The following WLS variants were observed in gnomAD, a reference collection of about 807,000 sequenced individuals.
The protein encoded by WLS is Wnt ligand secretion mediator.
In WLS, 23 loss-of-function variants were observed where a neutral mutation model predicts 62.8. The observed-to-expected ratio is 0.37, with a 90% confidence interval of 0.26 to 0.52. WLS has a LOEUF of 0.52. WLS is among the 20% of genes least tolerant of loss of function. WLS has a pLI of 0.92. For synonymous variants in WLS, 246 were observed against 244.1 expected, an observed-to-expected ratio of 1.01 and a Z score of -0.07; for missense variants, 615 against 697.3, an observed-to-expected ratio of 0.88 and a Z score of 1.33.
At chr1:68,113,343 A>C (rs56028310) in intron 11 of WLS, among the ~76,000 whole-genome samples, 8,957 of 152,212 alleles carry the variant, frequency 0.059, 324 homozygotes, top group African/African-American at 0.1. Context: ...AGAACAGTGA[A>C]TGCCAGAAAA....
Position 68,101,118 on chromosome 1 carries a change from T to A in WLS, c.1511-2365A>T, listed in dbSNP as rs534372520. On this transcript the variant is annotated intron_variant, in intron 11 of 11. Transcript: ENST00000354777. ...CCTATCAGGATGGCCACCTGCAGGC[T>A]GTAACCTTTTGTTAGAAGTAAAGCT... is the stretch of plus-strand genomic sequence containing the variant. Among the ~76,000 whole-genome samples the A allele has an allele frequency of 5.1e-3, 771 of 152,334 alleles. 3 individuals carry two copies. Among genetic ancestry groups the A allele is most frequent in the Non-Finnish European group, 7.6e-3 (518 of 68,030 alleles).
intron 1 of WLS, among the ~76,000 whole-genome samples, chr1:68,212,713 G>A (rs1490152149): frequency 6.6e-6 from 1 of 152,022 alleles, no homozygotes; most frequent in Non-Finnish European, 1.5e-5. Flanking sequence ...CACCTTATCT[G>A]TTTTTGGTAT....
intron 9 of WLS, 91 bp downstream of exon 9, chr1:68,145,778 G>T: frequency 6.5e-7 from 1 of 1,527,620 alleles, no homozygotes; most frequent in Non-Finnish European, 8.8e-7. Flanking sequence ...TCAAAGTAAA[G>T]GCTTTCTATC....
intron 2 of WLS, among the ~76,000 whole-genome samples, chr1:68,170,184 A>C (rs1343701890): frequency 7.4e-5 from 2 of 26,868 alleles, no homozygotes; most frequent in African/African-American, 2.7e-4. Context: ...TTTTTTTTTG[A>C]GATGGAGTTT....
intron 11 of WLS, among the ~76,000 whole-genome samples, chr1:68,128,245 C>A (rs1043669595): frequency 6.6e-6 from 1 of 152,204 alleles, no homozygotes; most frequent in African/African-American, 2.4e-5. Context: ...TTGGGCCAAG[C>A]TGAACCACCA....
At chr1:68,180,085 G>A (rs1419499250) in intron 2 of WLS, among the ~76,000 whole-genome samples, 2 of 151,980 alleles carry the variant, frequency 1.3e-5, no homozygotes, top group African/African-American at 2.4e-5. Context: ...ACAAGCAACA[G>A]CATCTCTAGT....
At chr1:68,168,524 C>T (rs1297770965) in intron 2 of WLS, among the ~76,000 whole-genome samples, 2 of 152,032 alleles carry the variant, frequency 1.3e-5, no homozygotes, top group African/African-American at 4.8e-5. Context: ...TATTGTTGAC[C>T]TATTAACTGG....
intron 1 of WLS, among the ~76,000 whole-genome samples, chr1:68,196,201 T>C (rs1256235102): frequency 6.6e-6 from 1 of 151,714 alleles, no homozygotes; most frequent in Non-Finnish European, 1.5e-5. Context: ...ATTAGCATCC[T>C]TCCCCAGCGT....
intron 2 of WLS, among the ~76,000 whole-genome samples, chr1:68,180,129 T>C (rs1030135931): frequency 5.3e-5 from 8 of 151,810 alleles, no homozygotes; most frequent in African/African-American, 1.9e-4. Flanking sequence ...CACTGCCCCA[T>C]GCCAGCTATC....
intron 2 of WLS, among the ~76,000 whole-genome samples, chr1:68,165,963 C>T (rs1179582378): frequency 6.6e-6 from 1 of 152,158 alleles, no homozygotes; most frequent in Non-Finnish European, 1.5e-5. Context: ...CTCACAGAGA[C>T]AAGGCTAGAT....
At chr1:68,152,130 A>T (rs1646834846) in intron 5 of WLS, among the ~76,000 whole-genome samples, 1 of 152,188 alleles carries the variant, frequency 6.6e-6, no homozygotes, top group Admixed American at 6.5e-5. Context: ...TTTTACTGAA[A>T]TGGGGATCCT....
intron 2 of WLS, chr1:68,183,454 C>A (rs972062902): frequency 4.1e-6 from 2 of 482,308 alleles, no homozygotes; most frequent in African/African-American, 2.0e-5. Context: ...TGTATAAAAT[C>A]CTCTGCCCCA....
chr1:68,208,561 A>G (rs1041465397), intron 1 of WLS, among the ~76,000 whole-genome samples: 15 of 152,220 alleles, frequency 9.9e-5, no homozygotes, highest in African/African-American at 3.6e-4. Context: ...TGCTAGAAGT[A>G]CTGCTACAGA....
At position 68,107,628 on chromosome 1, in the gene WLS, AG is replaced by A. The variant is rs796270151; in HGVS notation, c.1511-8876del. On this transcript the variant is annotated intron_variant, in intron 11 of 11. Coordinates refer to the WLS transcript ENST00000354777. ...CAACTGTACCTCACTCTGAGAGAGAAGGGGGAAAAAAACATGATCTTCCATT... is the reference window on the plus strand; with the variant it reads ...CAACTGTACCTCACTCTGAGAGAGAAGGGGAAAAAAACATGATCTTCCATT... Among the ~76,000 whole-genome samples the A allele has an allele frequency of 6.9e-4, 105 of 152,324 alleles. 1 individual carries two copies. Among genetic ancestry groups the A allele is most frequent in the African/African-American group, 2.3e-3 (96 of 41,570 alleles).
At chr1:68,113,784 C>T (rs529153508) in intron 11 of WLS, among the ~76,000 whole-genome samples, 9 of 152,248 alleles carry the variant, frequency 5.9e-5, no homozygotes, top group Non-Finnish European at 8.8e-5. Context: ...GTGAACTGTC[C>T]GCAGGGAAAG....
At chr1:68,223,768 T>A (rs541682759) in intron 1 of WLS, among the ~76,000 whole-genome samples, 1 of 152,162 alleles carries the variant, frequency 6.6e-6, no homozygotes, top group Non-Finnish European at 1.5e-5. Context: ...ATTTTATGAC[T>A]TTTTTGGGAT....
chr1:68,153,463 G>T (rs1646853885), intron 5 of WLS, 54 bp downstream of exon 5: 1 of 1,608,910 alleles, frequency 6.2e-7, no homozygotes, highest in East Asian at 2.2e-5. Flanking sequence ...GCAAGAGCTT[G>T]GCAGATCATG....
intron 1 of WLS, among the ~76,000 whole-genome samples, chr1:68,222,984 C>A (rs1219790753): frequency 1.3e-5 from 2 of 152,000 alleles, no homozygotes; most frequent in Non-Finnish European, 1.5e-5. Context: ...TCCCAGAGAC[C>A]CCTGAATCCC....
Position 68,162,012 on chromosome 1 carries a change from T to G in WLS, c.380-2765A>C, listed in dbSNP as rs112651360. ...ACCAAGGCGCTGATGTGACAGAGAA[T>G]TCCTTGTTCACACAGTTTCTTAAGC... On this transcript the variant is annotated intron_variant, in intron 2 of 11. Coordinates refer to ENST00000262348, the MANE Select transcript of WLS (RefSeq NM_024911.7). 8.8e-5 allele frequency: 140 copies of G among 1,594,704 alleles called. 2 individuals are homozygous for G. The African/African-American group carries it at 1.4e-3, about 16-fold the overall frequency.
Sources: allele counts gnomAD v4.1 joint callset (sites outside exome capture counted in the v4.1 genomes callset), GRCh38; gene constraint gnomAD v4.1.1; transcripts MANE v1.5; gene names NCBI Gene and HGNC (gene_info 2026-07-23, HGNC 2026-07-21).